Variants in VAV2 observed in about 807,000 individuals in gnomAD.
The protein encoded by VAV2 is vav guanine nucleotide exchange factor 2.
Under a neutral mutation model 132.5 loss-of-function variants are expected in VAV2, and 67 were observed. The ratio of observed to expected loss-of-function variants is 0.51; its 90% CI spans 0.42 to 0.62. The LOEUF (loss-of-function observed/expected upper bound fraction) is 0.62. Among genes scored for constraint, VAV2 ranks in the 20% least tolerant of loss-of-function variants. The pLI is 0.00. For missense variants in VAV2, 938 were observed against 1,153.6 expected (o/e 0.81, Z 2.71); for synonymous variants, 492 against 443.5 (o/e 1.11, Z -1.37).
chr9:133,765,337 T>A (rs1042262066), intron 29 of VAV2, among the ~76,000 whole-genome samples: 7 of 152,324 alleles, frequency 4.6e-5, no homozygotes, highest in African/African-American at 1.7e-4. Context: ...CTTAAACACA[T>A]GATCAAAGTT....
At chr9:133,932,104 G>A (rs1840709077) in intron 2 of VAV2, among the ~76,000 whole-genome samples, 2 of 152,190 alleles carry the variant, frequency 1.3e-5, no homozygotes. Context: ...AAACCCCGCA[G>A]CCTCACCAGA....
rs374104758 is a variant in VAV2, at chr9:133,798,654, A to T, written c.837-845T>A. 1.2e-4 allele frequency among the ~76,000 whole-genome samples: 18 copies of T among 152,318 alleles called. No individual in the cohort carries two copies. In the South Asian group the frequency reaches 3.5e-3, roughly 30 times the overall value. On this transcript the variant is annotated intron_variant, in intron 9 of 29. Transcript: ENST00000371850. ...AACCCCACCGACAGGGCAGTCCCAA[A>T]GAAGAACCACACCAGGTGACAATGT...
In VAV2 at chr9:133,969,568, G is replaced by A. The variant is rs995084970; in HGVS notation, c.204+22507C>T. Among the ~76,000 whole-genome samples, 3 of 152,094 alleles carry A rather than the reference G, an allele frequency of 2.0e-5. No homozygotes were observed. Among genetic ancestry groups the A allele is most frequent in the African/African-American group, 4.8e-5 (2 of 41,388 alleles). On this transcript the variant is annotated intron_variant, in intron 1 of 29. Transcript: ENST00000371850. This position sits in a 1 kb window ranked among gnomAD's most constrained non-coding sequence, Gnocchi z 5.1. The stretch of plus-strand genomic sequence containing the variant: ...GACCAGAGCGGATTCCAGGAAGGCT[G>A]CTGGGAGAACCCAGACATCCCTGCA...
At chr9:133,793,789 G>A (rs1374106783) in intron 12 of VAV2, among the ~76,000 whole-genome samples, 2 of 152,156 alleles carry the variant, frequency 1.3e-5, no homozygotes, top group African/African-American at 4.8e-5. Flanking sequence ...ACAGCGGCAC[G>A]GGGGCTGATT....
rs182277135 is a variant in VAV2 at position 133,813,153 on chromosome 9, G to C, written c.450-937C>G. On this transcript the variant is annotated intron_variant, in intron 4 of 29. Transcript: ENST00000371850. ...CACTGCACCTGGGGGTGGAGGGGCA[G>C]GAGCTACCCCAGGCCCAGACAGGTT... is the stretch of plus-strand genomic sequence containing the variant. 1.8e-3 allele frequency among the ~76,000 whole-genome samples: 278 copies of C among 152,358 alleles called. 5 individuals carry two copies. Among genetic ancestry groups the C allele is most frequent in the Non-Finnish European group, 2.4e-3 (160 of 68,026 alleles).
At chr9:133,970,483 C>T (rs948607079) in intron 1 of VAV2, among the ~76,000 whole-genome samples, 1 of 152,150 alleles carries the variant, frequency 6.6e-6, no homozygotes, top group Non-Finnish European at 1.5e-5. Flanking sequence ...TACAGAGGAG[C>T]CCACAGAGGC....
chr9:133,765,586 G>A (rs592252), intron 29 of VAV2, among the ~76,000 whole-genome samples: 58,153 of 152,072 alleles, frequency 0.38, 11,733 homozygotes, highest in Non-Finnish European at 0.44. Flanking sequence ...AGATTAAAGA[G>A]AGTTAAGGAT....
Position 133,964,033 on chromosome 9 carries a change from A to ATG in VAV2, c.205-24815_205-24814insCA, listed in dbSNP as rs1265754784. 1.5e-4 allele frequency among the ~76,000 whole-genome samples: 14 copies of ATG among 96,448 alleles called. No individual in the cohort carries two copies. In the East Asian group the frequency reaches 4.3e-3, roughly 30 times the overall value. 63.3% of individuals were successfully genotyped at this position (96,448 alleles called of 152,430 possible). A position where few individuals can be genotyped will look rare whatever the true frequency, so the allele number is the denominator to read the frequency against. ...AAAAATTATTCATTCATATATATAT[A>ATG]TATATATATATATATACATATATAT... On this transcript the variant is annotated intron_variant, in intron 1 of 29. Transcript: ENST00000371850.
At chr9:133,813,911 G>A (rs2131708587) in intron 4 of VAV2, among the ~76,000 whole-genome samples, 1 of 152,360 alleles carries the variant, frequency 6.6e-6, no homozygotes, top group Admixed American at 6.5e-5. Context: ...GGCGGTAACA[G>A]CACTGTGGCC....
chr9:133,789,260 G>A lies in VAV2; in HGVS notation c.1272C>T (p.Asp424=), dbSNP rs745475435. ...CCCACAACACGCGCCCTGCTCACCT[G>A]TCCTGCTTGGTGTGGTTGACTATGG... ...VRSIVNHTKQ[D]RYLFLFDKVV... The change falls in exon 14 of 30, where the codon GAC becomes GAT. Residue 424 remains aspartate (D), a splice_region_variant and synonymous_variant. Coordinates refer to ENST00000371850, the MANE Select transcript of VAV2 (RefSeq NM_001134398.2). 7.4e-6 allele frequency: 12 copies of A among 1,613,976 alleles called. No homozygotes were observed. In the East Asian group the frequency reaches 2.5e-4, roughly 33 times the overall value.
At chr9:133,770,115 C>T (rs1483106667) in intron 27 of VAV2, among the ~76,000 whole-genome samples, 1 of 152,224 alleles carries the variant, frequency 6.6e-6, no homozygotes, top group Non-Finnish European at 1.5e-5. Context: ...TGGACCTGGC[C>T]CCTCCAACCC....
chr9:133,865,140 C>T (rs2131880303), intron 2 of VAV2, among the ~76,000 whole-genome samples: 1 of 152,322 alleles, frequency 6.6e-6, no homozygotes, highest in South Asian at 2.1e-4. Context: ...TTTACTGCAC[C>T]AAGTTTCCAA....
At chr9:133,777,044 G>T (rs910931078) in intron 23 of VAV2, among the ~76,000 whole-genome samples, 3 of 152,138 alleles carry the variant, frequency 2.0e-5, no homozygotes, top group Admixed American at 6.5e-5. Context: ...CTAAGGCTGC[G>T]CAATAGTCCA....
At chr9:133,920,020 T>G (rs755663302) in intron 2 of VAV2, among the ~76,000 whole-genome samples, 1 of 152,144 alleles carries the variant, frequency 6.6e-6, no homozygotes, top group Non-Finnish European at 1.5e-5. Context: ...CAGACAGGCC[T>G]GGGCGTGGGC....
intron 1 of VAV2, among the ~76,000 whole-genome samples, chr9:133,975,766 C>T (rs988893938): frequency 6.6e-6 from 1 of 152,226 alleles, no homozygotes. Flanking sequence ...TTAAATATCT[C>T]ATACCTGTAT....
Position 133,873,723 on chromosome 9 carries a change from G to A in VAV2, c.322-12291C>T, listed in dbSNP as rs185640487. On this transcript the variant is annotated intron_variant, in intron 2 of 29. Coordinates refer to ENST00000371850, the MANE Select transcript of VAV2 (RefSeq NM_001134398.2). ...TACAGGAATCAGTCGGGGGTCAGGG[G>A]CTGTTGGGGGGAATTTCCCGTCCTT... Among the ~76,000 whole-genome samples, 173 of 152,334 alleles carry A rather than the reference G, an allele frequency of 1.1e-3. 2 individuals are homozygous for A. The highest frequency in any genetic ancestry group is 9.6e-4 in the East Asian group (5 of 5,184).
rs974442235 is a variant in VAV2, at chr9:133,991,786, G to A, written c.204+289C>T. 6.6e-6 allele frequency among the ~76,000 whole-genome samples: 1 copy of A among 151,154 alleles called. No individual in the cohort carries two copies. Among genetic ancestry groups the A allele is most frequent in the Non-Finnish European group, 1.5e-5 (1 of 67,616 alleles). On this transcript the variant is annotated intron_variant, in intron 1 of 29. Coordinates refer to ENST00000371850, the MANE Select transcript of VAV2 (RefSeq NM_001134398.2). The surrounding 1 kb of genome is among the most constrained non-coding windows in gnomAD (Gnocchi z 4.8). ...CCCGCAGAGCGAGCGCAGCGCCGGA[G>A]CCTCCCCCATCCCAGGCCGCGCAGA...
At chr9:133,944,954 G>A (rs1025813307) in intron 1 of VAV2, among the ~76,000 whole-genome samples, 8 of 152,214 alleles carry the variant, frequency 5.3e-5, no homozygotes, top group Non-Finnish European at 1.2e-4. Context: ...CTGGCTACGC[G>A]TCTCGGTGCG....
intron 4 of VAV2, among the ~76,000 whole-genome samples, chr9:133,815,512 G>A (rs890573705): frequency 2.0e-5 from 3 of 152,016 alleles, no homozygotes; most frequent in Non-Finnish European, 2.9e-5. Context: ...CACCACAGAC[G>A]AGCCTTGTCT....
Sources: allele counts gnomAD v4.1 joint callset (sites outside exome capture counted in the v4.1 genomes callset), GRCh38; gene constraint gnomAD v4.1.1; non-coding constraint Gnocchi (gnomAD v3.1); transcripts MANE v1.5; gene names NCBI Gene and HGNC (gene_info 2026-07-23, HGNC 2026-07-21).